The following BPIFA2 variants were observed in gnomAD, a reference collection of about 807,000 sequenced individuals.
The protein encoded by BPIFA2 is BPI fold-containing family A member 2.
In BPIFA2, 20 loss-of-function variants were observed where a neutral mutation model predicts 25.7. The ratio of observed to expected loss-of-function variants is 0.78; its 90% CI spans 0.55 to 1.13. The LOEUF (loss-of-function observed/expected upper bound fraction) is 1.13. Ranked by LOEUF, BPIFA2 falls within the 50% of genes most tolerant of loss-of-function variation. The pLI, the probability that BPIFA2 is intolerant of heterozygous loss-of-function variation, is 0.00. For missense variants in BPIFA2, 300 were observed against 298.1 expected (o/e 1.01, Z -0.05); for synonymous variants, 126 against 124.3 (o/e 1.01, Z -0.09).
chr20:33,171,773 CTT>C (rs1437482099), intron 2 of BPIFA2, among the ~76,000 whole-genome samples: 1 of 152,210 alleles, frequency 6.6e-6, no homozygotes, highest in Non-Finnish European at 1.5e-5. Flanking sequence ...AATAGGAACA[CTT>C]TTGCCCTGTT....
Position 33,180,326 on chromosome 20 carries a change from C to T in BPIFA2, c.710-194C>T, listed in dbSNP as rs572023335. The stretch of plus-strand genomic sequence containing the variant: ...ACACTATCTCACTGGATCCTTGCAA[C>T]AACCCTGTGGGGAAGGTACTGTCAT... On this transcript the variant is annotated intron_variant, in intron 7 of 8. Transcript: ENST00000354932. Among the ~76,000 whole-genome samples the T allele has an allele frequency of 7.2e-5, 11 of 152,282 alleles. No homozygotes were observed. In the East Asian group the frequency reaches 2.1e-3, roughly 29 times the overall value.
intron 5 of BPIFA2, among the ~76,000 whole-genome samples, chr20:33,176,453 C>G (rs1297442733): frequency 6.6e-6 from 1 of 152,196 alleles, no homozygotes; most frequent in East Asian, 1.9e-4. Context: ...GCAGAGGACA[C>G]TCCACTCGCC....
chr20:33,164,239 G>C (rs1983656643), upstream of BPIFA2, among the ~76,000 whole-genome samples: 1 of 152,184 alleles, frequency 6.6e-6, no homozygotes. Flanking sequence ...CTAGATACAG[G>C]GCCAGGCCCA....
upstream of BPIFA2, among the ~76,000 whole-genome samples, chr20:33,166,227 G>A (rs1242686099): frequency 2.6e-5 from 4 of 152,126 alleles, no homozygotes; most frequent in African/African-American, 9.7e-5. Flanking sequence ...ATGTTGGCCA[G>A]GCTGGTCTCG....
At chr20:33,163,338 C>A (rs1278346410), upstream of BPIFA2, among the ~76,000 whole-genome samples, 1 of 152,198 alleles carries the variant, frequency 6.6e-6, no homozygotes, top group Non-Finnish European at 1.5e-5. Flanking sequence ...ACACAGATGG[C>A]AGAATCATGA....
rs758999470 is a variant in BPIFA2 at position 33,169,268 on chromosome 20, C to T, written c.123C>T (p.His41=). The change falls in exon 2 of 9, where the codon CAC becomes CAT. Residue 41 remains histidine, a synonymous_variant. Coordinates refer to ENST00000354932, the MANE Select transcript of BPIFA2 (RefSeq NM_080574.4). ...NVVDKLEPVL[H]EGLETVDNTL... ...TGGATAAGCTGGAACCTGTTCTTCA[C>T]GAGGGACTTGAGACAGTTGACAATA... 8 of 1,613,940 alleles carry T rather than the reference C, an allele frequency of 5.0e-6. No individual in the cohort carries two copies. Among genetic ancestry groups the T allele is most frequent in the Admixed American group, 3.3e-5 (2 of 59,998 alleles).
At chr20:33,178,065 C>G in intron 5 of BPIFA2, 82 bp from the exon 6 acceptor site, 1 of 997,744 alleles carries the variant, frequency 1.0e-6, no homozygotes. Context: ...CACAGTATTT[C>G]CCGCACCGCC....
intron 6 of BPIFA2, among the ~76,000 whole-genome samples, chr20:33,178,485 A>G (rs1401225927): frequency 6.6e-6 from 1 of 152,252 alleles, no homozygotes; most frequent in Non-Finnish European, 1.5e-5. Flanking sequence ...ATGCTTTTGT[A>G]GCTAACATCT....
chr20:33,163,956 T>G (rs1983649018), upstream of BPIFA2, among the ~76,000 whole-genome samples: 2 of 152,138 alleles, frequency 1.3e-5, no homozygotes. Context: ...TTTCCTTGTT[T>G]ATAAAATGGG....
At position 33,170,526 on chromosome 20, in the gene BPIFA2, C is replaced by A. The variant is rs1165164152; in HGVS notation, c.157+1224C>A. On this transcript the variant is annotated intron_variant, in intron 2 of 8. Coordinates refer to ENST00000354932, the MANE Select transcript of BPIFA2 (RefSeq NM_080574.4). ...CTCTCACCTCAGCCTCCCCAGTAGC[C>A]GGGACTACAGGTGCACACCACCACA... 2.7e-5 allele frequency among the ~76,000 whole-genome samples: 4 copies of A among 150,706 alleles called. 1 individual carries two copies.
upstream of BPIFA2, among the ~76,000 whole-genome samples, chr20:33,166,417 A>G (rs1356204620): frequency 1.3e-5 from 2 of 152,208 alleles, no homozygotes; most frequent in Non-Finnish European, 2.9e-5. Context: ...ATGCGCACAT[A>G]TTCATCAGCA....
rs145037130 is a variant in BPIFA2, at chr20:33,178,172, G to T, written c.589G>T (p.Val197Leu). Reference sequence around the variant, plus strand: ...ACACAGCCAAATCATCAACAAGTTCGTGAATAGCGTGATCAACACGCTGAA... The same window carrying T: ...ACACAGCCAAATCATCAACAAGTTCTTGAATAGCGTGATCAACACGCTGAA... ...DKHSQIINKFVNSVINTLKST... is the reference protein window; with the variant it reads ...DKHSQIINKFLNSVINTLKST... The change falls in exon 6 of 9, where the codon GTG becomes TTG. Residue 197 changes from valine (V) to leucine (L), a missense_variant. Val to Leu is a conservative substitution (Grantham distance 32). Transcript: ENST00000354932. The T allele has an allele frequency of 1.5e-4, 244 of 1,606,742 alleles. 1 individual carries two copies. The highest frequency in any genetic ancestry group is 7.4e-4 in the South Asian group (67 of 90,282).
Position 33,178,192 on chromosome 20 carries a change from G to C in BPIFA2, c.609G>C (p.Thr203=), listed in dbSNP as rs373151340. 6.2e-7 allele frequency: 1 copy of C among 1,606,750 alleles called. No individual in the cohort carries two copies. Among genetic ancestry groups the C allele is most frequent in the Non-Finnish European group, 8.5e-7 (1 of 1,174,812 alleles). Residue 203 remains threonine, a synonymous_variant, in exon 6 of 9, where the codon ACG becomes ACC. Transcript: ENST00000354932. ...AGTTCGTGAATAGCGTGATCAACAC[G>C]CTGAAAAGCACTGTATCCTCCCTGC... The part of the protein sequence containing the change: ...INKFVNSVIN[T]LKSTVSSLLQ...
At chr20:33,178,264 C>T (rs941074069) in intron 6 of BPIFA2, 36 bp downstream of exon 6, 1 of 1,489,720 alleles carries the variant, frequency 6.7e-7, no homozygotes, top group Admixed American at 1.7e-5. Context: ...AGATCCAGGC[C>T]TGGTGGGGGC....
intron 1 of BPIFA2, among the ~76,000 whole-genome samples, chr20:33,168,522 A>G (rs1983793045): frequency 6.6e-6 from 1 of 152,222 alleles, no homozygotes. Flanking sequence ...TGAACAATGC[A>G]GGGTCATGAG....
At chr20:33,177,786 G>T (rs1984132421) in intron 5 of BPIFA2, among the ~76,000 whole-genome samples, 1 of 152,212 alleles carries the variant, frequency 6.6e-6, no homozygotes, top group African/African-American at 2.4e-5. Flanking sequence ...ATCAGGGTAT[G>T]TTTGGACCCT....
intron 2 of BPIFA2, 112 bp downstream of exon 2, chr20:33,169,414 A>G: frequency 6.7e-6 from 7 of 1,052,324 alleles, no homozygotes; most frequent in East Asian, 2.5e-5. Context: ...GTTTACTGAG[A>G]AAAGTGGCTA....
At chr20:33,176,444 C>CA (rs1367448811) in intron 5 of BPIFA2, among the ~76,000 whole-genome samples, 6 of 152,200 alleles carry the variant, frequency 3.9e-5, no homozygotes, top group Non-Finnish European at 7.3e-5. Context: ...TGGCCATGAG[C>CA]AGAGGACACT....
chr20:33,177,213 G>A (rs1279789637), intron 5 of BPIFA2, among the ~76,000 whole-genome samples: 1 of 152,060 alleles, frequency 6.6e-6, no homozygotes, highest in Non-Finnish European at 1.5e-5. Flanking sequence ...AAATTAGCCG[G>A]GGGTGGTGGC....
Sources: gnomAD v4.1 joint callset for allele counts (sites outside exome capture counted in the v4.1 genomes callset) on GRCh38, gnomAD v4.1.1 for gene constraint, MANE v1.5 for transcripts, NCBI Gene and HGNC (gene_info 2026-07-23, HGNC 2026-07-21) for gene names.